The following TMEM108 variants were observed in gnomAD, a reference collection of about 807,000 sequenced individuals.
TMEM108 encodes cancer/testis antigen 124.
TMEM108 carries 12 observed loss-of-function variants against 35.1 expected under a neutral mutation model. That is an observed-to-expected ratio of 0.34 (90% CI 0.22 to 0.55). TMEM108 has a LOEUF of 0.55. Ranked by LOEUF, TMEM108 falls within the 20% of genes least tolerant of loss-of-function variation. The pLI is 0.89. For missense variants in TMEM108, 680 were observed against 753.3 expected (o/e 0.90, Z 1.14); for synonymous variants, 287 against 308.6 (o/e 0.93, Z 0.73).
intron 3 of TMEM108, among the ~76,000 whole-genome samples, chr3:133,276,445 G>A (rs754063013): frequency 1.3e-5 from 2 of 152,218 alleles, no homozygotes; most frequent in Non-Finnish European, 2.9e-5. Flanking sequence ...AAAGAATTCA[G>A]CTACAGGTAT....
At chr3:133,233,884 GTTGT>G (rs554696904) in intron 3 of TMEM108, among the ~76,000 whole-genome samples, 2,011 of 151,684 alleles carry the variant, frequency 0.013, 32 homozygotes, top group African/African-American at 0.046. Context: ...TTTTGATGGG[GTTGT>G]TTGTTTTTTT....
At chr3:133,379,475 T>C (rs1027734782) in intron 3 of TMEM108, among the ~76,000 whole-genome samples, 1 of 152,162 alleles carries the variant, frequency 6.6e-6, no homozygotes, top group African/African-American at 2.4e-5. Context: ...ATGGCGTTTC[T>C]GAGGCATGTG....
intron 2 of TMEM108, among the ~76,000 whole-genome samples, chr3:133,172,132 T>C (rs1945139479): frequency 6.6e-6 from 1 of 152,194 alleles, no homozygotes; most frequent in South Asian, 2.1e-4. Context: ...GGGATGCAAT[T>C]GTCCTCATGT....
intron 2 of TMEM108, among the ~76,000 whole-genome samples, chr3:133,096,141 C>G (rs1559830964): frequency 1.3e-5 from 2 of 152,240 alleles, no homozygotes; most frequent in East Asian, 3.9e-4. Context: ...TGTATTCACT[C>G]CTGAGGATGC....
intron 3 of TMEM108, among the ~76,000 whole-genome samples, chr3:133,279,294 A>G (rs1946880374): frequency 6.6e-6 from 1 of 152,186 alleles, no homozygotes; most frequent in Admixed American, 6.5e-5. Flanking sequence ...TGTTACTCCC[A>G]AGTCCTGCTT....
At chr3:133,269,857 C>T (rs1282485423) in intron 3 of TMEM108, among the ~76,000 whole-genome samples, 1 of 152,092 alleles carries the variant, frequency 6.6e-6, no homozygotes. Context: ...GGGAAGTTTG[C>T]AATTGTACCA....
chr3:133,092,579 G>C (rs1943961805), intron 2 of TMEM108, among the ~76,000 whole-genome samples: 1 of 152,070 alleles, frequency 6.6e-6, no homozygotes, highest in South Asian at 2.1e-4. Flanking sequence ...TGGTTTTTAC[G>C]TAGTGTGATC....
chr3:133,291,258 G>GTTT (rs143163689), intron 3 of TMEM108, among the ~76,000 whole-genome samples: 739 of 148,356 alleles, frequency 5.0e-3, no homozygotes, highest in Non-Finnish European at 8.3e-3. Context: ...CCACCGTGGA[G>GTTT]TTTTTTTTTT....
chr3:133,075,763 T>C (rs1057418899), intron 2 of TMEM108, among the ~76,000 whole-genome samples: 1 of 152,148 alleles, frequency 6.6e-6, no homozygotes, highest in Non-Finnish European at 1.5e-5. Flanking sequence ...TGGGGAAAGA[T>C]CAGAAGCTAT....
At chr3:133,114,311 C>T (rs1207402869) in intron 2 of TMEM108, among the ~76,000 whole-genome samples, 2 of 152,088 alleles carry the variant, frequency 1.3e-5, no homozygotes, top group Non-Finnish European at 2.9e-5. Context: ...AACTATAAAA[C>T]CCTAGAATCT....
chr3:133,063,566 A>G (rs775107253), intron 2 of TMEM108, among the ~76,000 whole-genome samples: 5 of 152,146 alleles, frequency 3.3e-5, no homozygotes, highest in Non-Finnish European at 7.4e-5. Context: ...GGTGGGTGAT[A>G]GGGTCAGGAA....
intron 2 of TMEM108, among the ~76,000 whole-genome samples, chr3:133,168,325 G>A (rs773947141): frequency 6.6e-6 from 1 of 152,160 alleles, no homozygotes; most frequent in Admixed American, 6.5e-5. Flanking sequence ...AAGCTGAGAA[G>A]TCTAAAGTTA....
intron 3 of TMEM108, among the ~76,000 whole-genome samples, chr3:133,296,467 A>G (rs577406787): frequency 7.2e-5 from 11 of 152,164 alleles, no homozygotes; most frequent in Non-Finnish European, 1.6e-4. Context: ...CAGACCCGAA[A>G]TATCAACTAG....
At chr3:133,284,132 C>G (rs1946952895) in intron 3 of TMEM108, among the ~76,000 whole-genome samples, 1 of 152,184 alleles carries the variant, frequency 6.6e-6, no homozygotes, top group East Asian at 1.9e-4. Context: ...CTTTCTCATC[C>G]TTCTGTTTGG....
intron 2 of TMEM108, among the ~76,000 whole-genome samples, chr3:133,154,963 A>G (rs892770521): frequency 8.5e-5 from 13 of 152,112 alleles, no homozygotes; most frequent in Non-Finnish European, 1.6e-4. Context: ...CAGTATAGAC[A>G]CTATTTCATC....
chr3:133,050,647 A>C (rs1413794017), intron 2 of TMEM108, among the ~76,000 whole-genome samples: 2 of 151,742 alleles, frequency 1.3e-5, no homozygotes, highest in Admixed American at 1.3e-4. Context: ...AAAATCCTTC[A>C]TGCTCTGCCT....
At chr3:133,343,715 C>A in intron 3 of TMEM108, among the ~76,000 whole-genome samples, 1 of 151,854 alleles carries the variant, frequency 6.6e-6, no homozygotes, top group Middle Eastern at 3.4e-3. Context: ...ATGGGCTGTA[C>A]AGTGAAATGT....
At chr3:133,293,605 A>G (rs1403898681) in intron 3 of TMEM108, among the ~76,000 whole-genome samples, 1 of 151,978 alleles carries the variant, frequency 6.6e-6, no homozygotes, top group Non-Finnish European at 1.5e-5. Flanking sequence ...TTCAAGCATA[A>G]CTAGGACCCT....
At chr3:133,381,936 C>T (rs1360888523) in intron 4 of TMEM108, among the ~76,000 whole-genome samples, 1 of 152,150 alleles carries the variant, frequency 6.6e-6, no homozygotes, top group African/African-American at 2.4e-5. Flanking sequence ...TTTGCCCTCC[C>T]AAGGCCACCA....
Sources: gnomAD v4.1 joint callset for allele counts (sites outside exome capture counted in the v4.1 genomes callset) on GRCh38, gnomAD v4.1.1 for gene constraint, MANE v1.5 for transcripts, NCBI Gene and HGNC (gene_info 2026-07-23, HGNC 2026-07-21) for gene names.